SLC35F3: variants seen among roughly 807,000 people sequenced by gnomAD.
The protein encoded by SLC35F3 is solute carrier family 35 member F3.
In SLC35F3, 25 loss-of-function variants were observed where a neutral mutation model predicts 49.9. That is an observed-to-expected ratio of 0.50 (90% CI 0.37 to 0.70). The LOEUF (loss-of-function observed/expected upper bound fraction) is 0.70. Ranked by LOEUF, SLC35F3 falls within the 30% of genes least tolerant of loss-of-function variation. The probability of loss-of-function intolerance (pLI) is 0.00; values close to 1 mark genes in which losing one functional copy is unlikely to be tolerated. For synonymous variants in SLC35F3, 275 were observed against 265.4 expected (o/e 1.04, Z -0.35); for missense variants, 525 against 639.8 (o/e 0.82, Z 1.94).
intron 6 of SLC35F3, 151 bp from the exon 7 acceptor site, chr1:234,319,947 G>A: frequency 1.6e-6 from 1 of 618,056 alleles, no homozygotes; most frequent in Non-Finnish European, 2.9e-6. Context: ...AGCCCCCAGA[G>A]GAACTCTGAG....
chr1:233,951,730 G>A (rs1385730565), intron 2 of SLC35F3, among the ~76,000 whole-genome samples: 1 of 151,912 alleles, frequency 6.6e-6, no homozygotes, highest in African/African-American at 2.4e-5. Context: ...TTGTGTGTGT[G>A]TGTGTTTTGT....
chr1:234,255,040 T>C (rs933597611), intron 3 of SLC35F3, among the ~76,000 whole-genome samples: 2 of 152,228 alleles, frequency 1.3e-5, no homozygotes, highest in African/African-American at 4.8e-5. Flanking sequence ...ATTAAAAATG[T>C]CTGCTCTGTG....
At chr1:234,034,999 C>T (rs1476196536) in intron 2 of SLC35F3, among the ~76,000 whole-genome samples, 1 of 152,192 alleles carries the variant, frequency 6.6e-6, no homozygotes, top group Non-Finnish European at 1.5e-5. Context: ...CATAAACATT[C>T]CAACAAATTT....
chr1:234,181,227 T>C (rs539854020), intron 2 of SLC35F3, among the ~76,000 whole-genome samples: 2 of 151,488 alleles, frequency 1.3e-5, no homozygotes, highest in South Asian at 4.2e-4. Flanking sequence ...TTCCAGCTAC[T>C]TGGGAGACTG....
intron 2 of SLC35F3, among the ~76,000 whole-genome samples, chr1:234,081,088 A>T (rs1225310761): frequency 1.3e-5 from 2 of 152,156 alleles, no homozygotes; most frequent in Non-Finnish European, 2.9e-5. Context: ...TATATTCAAT[A>T]ATAGCCTCCC....
intron 2 of SLC35F3, among the ~76,000 whole-genome samples, chr1:233,946,979 A>C (rs1662522196): frequency 6.6e-6 from 1 of 152,204 alleles, no homozygotes; most frequent in Admixed American, 6.5e-5. Flanking sequence ...CAAAATATTC[A>C]AATGTCATTG....
intron 2 of SLC35F3, among the ~76,000 whole-genome samples, chr1:233,972,895 G>A (rs1338356655): frequency 3.3e-5 from 5 of 152,346 alleles, no homozygotes; most frequent in Middle Eastern, 3.4e-3. Flanking sequence ...TAACAAGGCT[G>A]GAAATCAACG....
At chr1:234,112,899 G>T (rs560008449) in intron 2 of SLC35F3, among the ~76,000 whole-genome samples, 1 of 150,908 alleles carries the variant, frequency 6.6e-6, no homozygotes, top group African/African-American at 2.4e-5. Context: ...TTAATGACCG[G>T]TTTCAGAAAT....
At position 234,224,693 on chromosome 1, in the gene SLC35F3, C is replaced by G. The variant is rs141094839; in HGVS notation, c.284-6724C>G. 4.0e-3 allele frequency among the ~76,000 whole-genome samples: 613 copies of G among 152,326 alleles called. 4 individuals are homozygous for G. The highest frequency in any genetic ancestry group is 0.014 in the African/African-American group (582 of 41,570). ...TGTATTCCCGTTGATGCTCTGGAGT[C>G]AAACAGAACCAAGTTAAAACAGTGC... On this transcript the variant is annotated intron_variant, in intron 2 of 7. Coordinates refer to ENST00000366618, the MANE Select transcript of SLC35F3 (RefSeq NM_173508.4).
intron 2 of SLC35F3, among the ~76,000 whole-genome samples, chr1:233,913,797 C>T (rs1661924784): frequency 6.6e-6 from 1 of 152,164 alleles, no homozygotes; most frequent in Non-Finnish European, 1.5e-5. Context: ...TTTAACCCTG[C>T]TAAAAACACT....
intron 3 of SLC35F3, among the ~76,000 whole-genome samples, chr1:234,299,515 A>G (rs1205863377): frequency 6.6e-6 from 1 of 152,170 alleles, no homozygotes; most frequent in South Asian, 2.1e-4. Context: ...AATAAAAAGT[A>G]ACAAAGCAGG....
At chr1:234,191,441 A>C (rs544758877) in intron 2 of SLC35F3, among the ~76,000 whole-genome samples, 1 of 152,170 alleles carries the variant, frequency 6.6e-6, no homozygotes, top group Non-Finnish European at 1.5e-5. Flanking sequence ...GGATACAAGC[A>C]AAGGCAGTGC....
At chr1:234,094,904 A>G (rs1289150741) in intron 2 of SLC35F3, among the ~76,000 whole-genome samples, 1 of 152,212 alleles carries the variant, frequency 6.6e-6, no homozygotes, top group Admixed American at 6.5e-5. Flanking sequence ...CATACACATA[A>G]CAAGGAAGGA....
chr1:234,030,310 T>C (rs4575150), intron 2 of SLC35F3, among the ~76,000 whole-genome samples: 116,601 of 152,050 alleles, frequency 0.77, 45,582 homozygotes, highest in African/African-American at 0.92. Context: ...TCTAGAGGAA[T>C]AATGAACCTG....
At chr1:234,121,229 C>T (rs892382278) in intron 2 of SLC35F3, among the ~76,000 whole-genome samples, 9 of 151,040 alleles carry the variant, frequency 6.0e-5, no homozygotes, top group Admixed American at 2.0e-4. Flanking sequence ...CTCCACCTCC[C>T]GGGTTCATTC....
chr1:234,216,262 T>C (rs1019307520), intron 2 of SLC35F3, among the ~76,000 whole-genome samples: 5 of 152,130 alleles, frequency 3.3e-5, no homozygotes, highest in African/African-American at 1.2e-4. Context: ...TACCTCCTAG[T>C]AGGACAGATT....
At chr1:233,927,393 C>G (rs948775896) in intron 2 of SLC35F3, among the ~76,000 whole-genome samples, 6 of 152,032 alleles carry the variant, frequency 3.9e-5, no homozygotes, top group Non-Finnish European at 7.4e-5. Flanking sequence ...TAATTTACTT[C>G]AAAATGGTTT....
At chr1:234,298,997 A>G (rs886139589) in intron 3 of SLC35F3, among the ~76,000 whole-genome samples, 10 of 152,346 alleles carry the variant, frequency 6.6e-5, no homozygotes, top group African/African-American at 2.4e-4. Flanking sequence ...TGTGTGTCAT[A>G]GAAGCCAAAC....
chr1:234,283,638 AATC>A (rs1668364448), intron 3 of SLC35F3, among the ~76,000 whole-genome samples: 1 of 152,248 alleles, frequency 6.6e-6, no homozygotes. Flanking sequence ...AGAGGGAAGA[AATC>A]ATTAAAAGAG....
Sources: allele counts gnomAD v4.1 joint callset (sites outside exome capture counted in the v4.1 genomes callset), GRCh38; gene constraint gnomAD v4.1.1; transcripts MANE v1.5; gene names NCBI Gene and HGNC (gene_info 2026-07-23, HGNC 2026-07-21).